The following ANK2 variants were observed in gnomAD, a reference collection of about 807,000 sequenced individuals.
ANK2 encodes ankyrin-2.
ANK2 carries 83 observed loss-of-function variants against 360.5 expected under a neutral mutation model. That is an observed-to-expected ratio of 0.23 (90% CI 0.19 to 0.28). The LOEUF (loss-of-function observed/expected upper bound fraction) is 0.28, where lower values mean the gene tolerates loss of function less well. ANK2 is among the 10% of genes least tolerant of loss of function. The probability of loss-of-function intolerance (pLI) is 1.00; values close to 1 mark genes in which losing one functional copy is unlikely to be tolerated. For synonymous variants in ANK2, 1,740 were observed against 1,759.5 expected (o/e 0.99, Z 0.28); for missense variants, 4,201 against 4,795.7 (o/e 0.88, Z 3.66).
chr4:113,194,683 G>T (rs1306399228), intron 2 of ANK2, among the ~76,000 whole-genome samples: 1 of 152,024 alleles, frequency 6.6e-6, no homozygotes, highest in African/African-American at 2.4e-5. Flanking sequence ...TTATTCTGAA[G>T]TTGTGGTATC....
intron 2 of ANK2, among the ~76,000 whole-genome samples, chr4:112,921,225 A>G (rs1459620649): frequency 6.6e-6 from 1 of 151,594 alleles, no homozygotes; most frequent in Non-Finnish European, 1.5e-5. Context: ...GAGTTTTGCC[A>G]TGTTACCCAG....
rs376012567 is a variant in ANK2, at chr4:113,346,232, G to A, written c.4371+210G>A. Among the ~76,000 whole-genome samples, 6 of 152,212 alleles carry A rather than the reference G, an allele frequency of 3.9e-5. No individual in the cohort carries two copies. The East Asian group carries it at 7.7e-4, about 20-fold the overall frequency. ...TTACGATTTCCACTTAAGAAAAAAC[G>A]TAGTGCCACCTGATTTCATGTTAAA... On this transcript the variant is annotated intron_variant, in intron 35 of 45. Transcript: ENST00000357077.
At chr4:112,945,341 G>T (rs891130479) in intron 2 of ANK2, among the ~76,000 whole-genome samples, 2 of 152,192 alleles carry the variant, frequency 1.3e-5, no homozygotes, top group Non-Finnish European at 2.9e-5. Context: ...CTGGTGAATT[G>T]CACCTCTCAA....
the ANK2 span, among the ~76,000 whole-genome samples, chr4:112,779,922 C>T: frequency 6.6e-6 from 1 of 152,110 alleles, no homozygotes; most frequent in Admixed American, 6.6e-5. Flanking sequence ...TTCCACTGCA[C>T]TGTCAATAGA....
At chr4:112,941,333 C>G (rs977599889) in intron 2 of ANK2, among the ~76,000 whole-genome samples, 2 of 144,230 alleles carry the variant, frequency 1.4e-5, no homozygotes, top group African/African-American at 5.0e-5. Context: ...TATAAATATA[C>G]TACATATAAA....
chr4:112,785,754 G>T, the ANK2 span, among the ~76,000 whole-genome samples: 288 of 152,216 alleles, frequency 1.9e-3, 1 homozygote, highest in African/African-American at 6.8e-3. Context: ...CCGTAACCTT[G>T]AACTTCTGAG....
intron 1 of ANK2, among the ~76,000 whole-genome samples, chr4:113,126,169 A>G (rs779677231): frequency 2.0e-5 from 3 of 152,216 alleles, no homozygotes; most frequent in Non-Finnish European, 4.4e-5. Context: ...GTACACTGAT[A>G]ATACCAGGAG....
At chr4:112,915,384 A>G (rs763570529) in intron 2 of ANK2, among the ~76,000 whole-genome samples, 2 of 152,216 alleles carry the variant, frequency 1.3e-5, no homozygotes, top group East Asian at 1.9e-4. Flanking sequence ...TTTTTAAAGG[A>G]TAAGTTCCAA....
chr4:113,296,805 C>T (rs1440580464), intron 22 of ANK2, among the ~76,000 whole-genome samples: 1 of 152,180 alleles, frequency 6.6e-6, no homozygotes, highest in Non-Finnish European at 1.5e-5. Flanking sequence ...TCCACTAATG[C>T]AGCTTGGAAG....
chr4:112,823,309 T>G (rs1172392456), intron 1 of ANK2, among the ~76,000 whole-genome samples: 1 of 152,142 alleles, frequency 6.6e-6, no homozygotes, highest in Non-Finnish European at 1.5e-5. Context: ...TGGCTTTGAG[T>G]GGTTTCAAAA....
the ANK2 span, among the ~76,000 whole-genome samples, chr4:112,793,209 A>G: frequency 2.6e-5 from 4 of 152,182 alleles, no homozygotes; most frequent in Admixed American, 2.6e-4. Flanking sequence ...GTAAATAAGT[A>G]AAGGTTTTTA....
At chr4:113,149,874 C>CAAAAGAAAA in intron 1 of ANK2, among the ~76,000 whole-genome samples, 1 of 31,408 alleles carries the variant, frequency 3.2e-5, no homozygotes, top group South Asian at 2.3e-3. Flanking sequence ...GACCCTGCCT[C>CAAAAGAAAA]AAAAAAAAAA....
Position 113,283,030 on chromosome 4 carries a change from G to C in ANK2, c.2079+158G>C, listed in dbSNP as rs1047954716. On this transcript the variant is annotated intron_variant, in intron 18 of 45. Coordinates refer to ENST00000357077, the MANE Select transcript of ANK2 (RefSeq NM_001148.6). ...AGGAAGGGAGTCAAGCCTTATGAGA[G>C]ATTAGAAAACCATAAGGAAGCAAGG... Among the ~76,000 whole-genome samples the C allele has an allele frequency of 2.6e-5, 4 of 152,190 alleles. No individual in the cohort carries two copies. In the East Asian group the frequency reaches 5.8e-4, roughly 22 times the overall value.
intron 2 of ANK2, among the ~76,000 whole-genome samples, chr4:113,181,285 A>C (rs566220471): frequency 1.3e-5 from 2 of 152,146 alleles, no homozygotes; most frequent in Non-Finnish European, 2.9e-5. Flanking sequence ...ATAATCTGGA[A>C]ATTCTCTTGA....
At chr4:113,323,441 A>C (rs1364847676) in intron 26 of ANK2, among the ~76,000 whole-genome samples, 1 of 152,188 alleles carries the variant, frequency 6.6e-6, no homozygotes, top group African/African-American at 2.4e-5. Context: ...CAAAGACTTT[A>C]TGTTTTTCAT....
intron 1 of ANK2, among the ~76,000 whole-genome samples, chr4:113,119,901 GTAT>G (rs140983116): frequency 0.17 from 25,191 of 151,842 alleles, 2,122 homozygotes; most frequent in African/African-American, 0.18. Context: ...AAGAATATTT[GTAT>G]TATTATTTTG....
At chr4:112,843,702 T>A (rs532966522) in intron 1 of ANK2, among the ~76,000 whole-genome samples, 2 of 152,312 alleles carry the variant, frequency 1.3e-5, no homozygotes, top group South Asian at 4.1e-4. Flanking sequence ...TTTTTTAGAA[T>A]GCTTATGGAT....
At chr4:112,786,353 T>C in the ANK2 span, among the ~76,000 whole-genome samples, 2 of 151,786 alleles carry the variant, frequency 1.3e-5, no homozygotes, top group South Asian at 4.2e-4. Flanking sequence ...AAAGAAAAGA[T>C]TTAGAAAGCA....
intron 2 of ANK2, among the ~76,000 whole-genome samples, chr4:113,020,038 G>A (rs1184197212): frequency 1.3e-5 from 2 of 152,150 alleles, no homozygotes; most frequent in African/African-American, 4.8e-5. Context: ...AGGATTGACA[G>A]CAGCTGTGCA....
Sources: gnomAD v4.1 joint callset for allele counts (sites outside exome capture counted in the v4.1 genomes callset) on GRCh38, gnomAD v4.1.1 for gene constraint, MANE v1.5 for transcripts, NCBI Gene and HGNC (gene_info 2026-07-23, HGNC 2026-07-21) for gene names.